Variants in PSMG2 observed in about 807,000 individuals in gnomAD.
The protein encoded by PSMG2 is CD40 ligand-activated specific transcript 3.
Under a neutral mutation model 31.5 loss-of-function variants are expected in PSMG2, and 21 were observed. That is an observed-to-expected ratio of 0.67 (90% CI 0.47 to 0.96). PSMG2 has a LOEUF of 0.96. Ranked by LOEUF, PSMG2 falls within the 40% of genes least tolerant of loss-of-function variation. The pLI is 0.00. For synonymous variants in PSMG2, 120 were observed against 110.4 expected, an observed-to-expected ratio of 1.09 and a Z score of -0.54; for missense variants, 318 against 321.2, an observed-to-expected ratio of 0.99 and a Z score of 0.08.
intron 1 of PSMG2, chr18:12,670,305 G>A (rs1191945615): frequency 6.6e-6 from 1 of 152,182 alleles, no homozygotes; most frequent in Non-Finnish European, 1.5e-5. Flanking sequence ...ACTCCAGCCT[G>A]GGCAACAGAG....
chr18:12,665,354 GA>G (rs757569569), intron 1 of PSMG2, among the ~76,000 whole-genome samples: 15 of 152,152 alleles, frequency 9.9e-5, no homozygotes, highest in Admixed American at 1.3e-4. Flanking sequence ...TTGAGCCCAG[GA>G]GGTAGAGGTT....
At chr18:12,662,691 C>T (rs909870277) in intron 1 of PSMG2, among the ~76,000 whole-genome samples, 21 of 152,306 alleles carry the variant, frequency 1.4e-4, no homozygotes, top group African/African-American at 4.3e-4. Flanking sequence ...GCACAAGAAT[C>T]GCTTGAGCCC....
intron 2 of PSMG2, among the ~76,000 whole-genome samples, chr18:12,711,006 A>G (rs1427850072): frequency 6.6e-6 from 1 of 152,166 alleles, no homozygotes; most frequent in African/African-American, 2.4e-5. Context: ...AGGCTGAGAC[A>G]GGAGAATCGC....
intron 1 of PSMG2, among the ~76,000 whole-genome samples, chr18:12,690,836 T>C (rs2039728341): frequency 6.6e-6 from 1 of 152,092 alleles, no homozygotes; most frequent in African/African-American, 2.4e-5. Context: ...CAGAGATATA[T>C]AGTTGAAATG....
chr18:12,679,664 C>A (rs1465710185), intron 1 of PSMG2, among the ~76,000 whole-genome samples: 2 of 152,070 alleles, frequency 1.3e-5, no homozygotes, highest in African/African-American at 4.8e-5. Context: ...AAAAATGTGT[C>A]CAGTGGATTT....
Position 12,718,652 on chromosome 18 carries a change from G to T in PSMG2, c.407+17G>T, listed in dbSNP as rs914440239. ...GCTTCGTAGGTATGTTTCTGCCTCT[G>T]GAAAGTTATTTTTGGTATGGTTTAT... On this transcript the variant is annotated intron_variant, in intron 4 of 6. Transcript: ENST00000317615. The T allele has an allele frequency of 3.9e-6, 6 of 1,549,366 alleles. No homozygotes were observed. Among genetic ancestry groups the T allele is most frequent in the Non-Finnish European group, 5.3e-6 (6 of 1,136,814 alleles).
intron 1 of PSMG2, among the ~76,000 whole-genome samples, chr18:12,676,706 AG>A (rs778646286): frequency 1.3e-5 from 2 of 152,246 alleles, no homozygotes; most frequent in Admixed American, 6.5e-5. Context: ...ATAATGGACC[AG>A]AGGTCCCCTG....
intron 1 of PSMG2, chr18:12,673,588 A>G (rs967109549): frequency 1.7e-6 from 2 of 1,204,400 alleles, no homozygotes; most frequent in South Asian, 1.4e-5. Flanking sequence ...TATTTAAAAT[A>G]ATTTTTTCAG....
chr18:12,690,946 C>CA (rs907317825), intron 1 of PSMG2, among the ~76,000 whole-genome samples: 8 of 151,552 alleles, frequency 5.3e-5, no homozygotes, highest in Admixed American at 2.0e-4. Context: ...AGAGCCCCCC[C>CA]CCGTTCTGCA....
chr18:12,673,771 C>T (rs1598613835), intron 1 of PSMG2, among the ~76,000 whole-genome samples: 1 of 152,210 alleles, frequency 6.6e-6, no homozygotes, highest in South Asian at 2.1e-4. Flanking sequence ...ATCCCAGCTA[C>T]TTGGGAGGCT....
At chr18:12,714,777 C>T (rs1001725863) in intron 3 of PSMG2, among the ~76,000 whole-genome samples, 1 of 152,072 alleles carries the variant, frequency 6.6e-6, no homozygotes, top group Non-Finnish European at 1.5e-5. Context: ...GTGATCTCAG[C>T]TCACTGCAAC....
chr18:12,681,128 G>A, intron 1 of PSMG2, among the ~76,000 whole-genome samples: 1 of 151,558 alleles, frequency 6.6e-6, no homozygotes. Context: ...AACTTGGGAG[G>A]CGGAGGTTGC....
intron 1 of PSMG2, among the ~76,000 whole-genome samples, chr18:12,662,497 C>T (rs906349353): frequency 5.3e-5 from 8 of 152,274 alleles, no homozygotes; most frequent in Admixed American, 2.6e-4. Context: ...GTCCTGAGCC[C>T]GGCCATGGGG....
Position 12,683,186 on chromosome 18 carries a change from C to CAAAAAAAAAAAAAAAAAAAAAAAAA in PSMG2, c.-36-23346_-36-23345insAAAAAAAAAAAAAAAAAAAAAAAAA, listed in dbSNP as rs765652085. Among the ~76,000 whole-genome samples, 12 of 63,674 alleles carry CAAAAAAAAAAAAAAAAAAAAAAAAA rather than the reference C, an allele frequency of 1.9e-4. 1 individual carries two copies. Among genetic ancestry groups the CAAAAAAAAAAAAAAAAAAAAAAAAA allele is most frequent in the South Asian group, 5.4e-4 (1 of 1,856 alleles). 41.8% of individuals were successfully genotyped at this position (63,674 alleles called of 152,430 possible). On this transcript the variant is annotated intron_variant, in intron 1 of 6. Transcript: ENST00000585331. ...GAAACCCCATCTCTACTAAAAATAC[C>CAAAAAAAAAAAAAAAAAAAAAAAAA]AAAAAAAAAAAAAAAAAAGCCAGGC...
At chr18:12,679,330 G>T (rs1205216517) in intron 1 of PSMG2, 1 of 152,234 alleles carries the variant, frequency 6.6e-6, no homozygotes, top group African/African-American at 2.4e-5. Flanking sequence ...CGAGCAATTT[G>T]CAGTGGGGAG....
upstream of PSMG2, among the ~76,000 whole-genome samples, chr18:12,698,194 AT>A (rs1157157768): frequency 3.3e-5 from 5 of 151,584 alleles, no homozygotes; most frequent in African/African-American, 1.2e-4. Context: ...ATAAAAATTT[AT>A]TAGAAGTTTT....
At chr18:12,697,154 GATATAAA>G in intron 1 of PSMG2, 4 of 1,126,086 alleles carry the variant, frequency 3.6e-6, no homozygotes, top group Non-Finnish European at 5.0e-6. Flanking sequence ...GCATTTTAAA[GATATAAA>G]ATATATTTAC....
At chr18:12,716,350 C>T (rs2040375704) in intron 3 of PSMG2, among the ~76,000 whole-genome samples, 1 of 150,258 alleles carries the variant, frequency 6.7e-6, no homozygotes, top group South Asian at 2.1e-4. Flanking sequence ...AATTATTTAA[C>T]GTATAATATA....
intron 1 of PSMG2, among the ~76,000 whole-genome samples, chr18:12,669,075 G>C (rs563196372): frequency 1.1e-5 from 1 of 90,680 alleles, no homozygotes; most frequent in African/African-American, 4.2e-5. Flanking sequence ...GAGTTTCACT[G>C]TTTCCCAAGC....
Sources: allele counts gnomAD v4.1 joint callset (sites outside exome capture counted in the v4.1 genomes callset), GRCh38; gene constraint gnomAD v4.1.1; transcripts MANE v1.5; gene names NCBI Gene and HGNC (gene_info 2026-07-23, HGNC 2026-07-21).